The following ING3 variants were observed in gnomAD, a reference collection of about 807,000 sequenced individuals.
ING3 encodes inhibitor of growth family member 3, also known as inhibitor of growth protein 3.
Under a neutral mutation model 64.8 loss-of-function variants are expected in ING3, and 6 were observed. The ratio of observed to expected loss-of-function variants is 0.09; its 90% CI spans 0.05 to 0.18. The LOEUF is 0.18. Among genes scored for constraint, ING3 ranks in the 10% least tolerant of loss-of-function variants. The pLI, the probability that ING3 is intolerant of heterozygous loss-of-function variation, is 1.00. For missense variants in ING3, 310 were observed against 489.7 expected (o/e 0.63, Z 3.46); for synonymous variants, 170 against 173.7 (o/e 0.98, Z 0.17).
intron 4 of ING3, chr7:120,957,125 A>G (rs1795860615): frequency 6.5e-6 from 1 of 154,622 alleles, no homozygotes; most frequent in Non-Finnish European, 1.4e-5. Context: ...TAATCCCAGC[A>G]CTTTGGGAGG....
intron 2 of ING3, among the ~76,000 whole-genome samples, chr7:120,951,744 G>T (rs555066717): frequency 9.2e-5 from 14 of 152,308 alleles, no homozygotes; most frequent in Non-Finnish European, 1.8e-4. Flanking sequence ...ATTTTAAATT[G>T]TAACAGAATC....
intron 5 of ING3, among the ~76,000 whole-genome samples, chr7:120,966,333 A>G (rs1416533375): frequency 6.6e-6 from 1 of 152,192 alleles, no homozygotes; most frequent in Non-Finnish European, 1.5e-5. Flanking sequence ...ATCCATTTAT[A>G]TGGCACCCAC....
rs1287306907 is a variant in ING3 at position 120,967,608 on chromosome 7, A to G, written c.516A>G (p.Leu172=). 1.9e-6 allele frequency: 3 copies of G among 1,608,636 alleles called. No individual in the cohort carries two copies. The highest frequency in any genetic ancestry group is 2.5e-6 in the Non-Finnish European group (3 of 1,176,474). Residue 172 remains leucine, a synonymous_variant, in exon 7 of 12, where the codon CTA becomes CTG. Coordinates refer to ENST00000315870, the MANE Select transcript of ING3 (RefSeq NM_019071.3). ...AGAAATTTAAATCTGAAGCTCTTCT[A>G]TCCACCCTTACGTCAGATGCCTCTA... ...PEKKFKSEAL[L]STLTSDASKE...
At chr7:120,955,658 G>A (rs1468105478) in intron 4 of ING3, 34 bp downstream of exon 4, 2 of 1,362,650 alleles carry the variant, frequency 1.5e-6, no homozygotes, top group Non-Finnish European at 2.1e-6. Flanking sequence ...TGTGCCATAA[G>A]TACTTGAATA....
At chr7:120,969,291 C>A in intron 9 of ING3, 87 bp downstream of exon 9, 2 of 936,514 alleles carry the variant, frequency 2.1e-6, no homozygotes, top group Non-Finnish European at 1.5e-6. Context: ...ATGTTAAAGG[C>A]AGGATATAAC....
Position 120,958,488 on chromosome 7 carries a change from C to T in ING3, c.267+2864C>T, listed in dbSNP as rs534406835. Among the ~76,000 whole-genome samples, 88 of 152,284 alleles carry T rather than the reference C, an allele frequency of 5.8e-4. 2 individuals carry two copies. Among genetic ancestry groups the T allele is most frequent in the African/African-American group, 1.9e-3 (78 of 41,548 alleles). On this transcript the variant is annotated intron_variant, in intron 4 of 11. Transcript: ENST00000315870. ...TTTGTAAATGCTAATCCACTTCAGT[C>T]GCCACAGACTGAACCTGATCATCAC...
At chr7:120,972,871 A>G (rs1796087783) in intron 10 of ING3, among the ~76,000 whole-genome samples, 1 of 152,188 alleles carries the variant, frequency 6.6e-6, no homozygotes, top group Non-Finnish European at 1.5e-5. Context: ...CCCAAGAAGT[A>G]AAAACTTTCA....
Position 120,962,962 on chromosome 7 carries a change from A to G in ING3, c.268-1780A>G, listed in dbSNP as rs553600599. On this transcript the variant is annotated intron_variant, in intron 4 of 11. Transcript: ENST00000315870. ...AGGCAATGATTCTCTTCCATTCTTC[A>G]TATATCCTCCATTTAATCCAGCACC... 7.9e-5 allele frequency among the ~76,000 whole-genome samples: 12 copies of G among 152,260 alleles called. 1 individual carries two copies. Among genetic ancestry groups the G allele is most frequent in the South Asian group, 4.1e-4 (2 of 4,830 alleles).
At chr7:120,966,453 G>T (rs1461130603) in intron 5 of ING3, among the ~76,000 whole-genome samples, 173 bp from the exon 6 acceptor site, 1 of 152,142 alleles carries the variant, frequency 6.6e-6, no homozygotes, top group East Asian at 1.9e-4. Flanking sequence ...ACTCAGTGTG[G>T]GATGGACAGT....
rs1796144490 is a variant in ING3, at chr7:120,977,171, A to T, written c.*2327A>T. 6.6e-6 allele frequency: 1 copy of T among 152,386 alleles called. No homozygotes were observed. Among genetic ancestry groups the T allele is most frequent in the African/African-American group, 2.4e-5 (1 of 41,602 alleles). The allele number at this position is 152,386 out of a possible 1,614,324, so 9.4% of individuals were successfully genotyped here. On this transcript the variant is annotated 3_prime_UTR_variant, in exon 12 of 12. Coordinates refer to ENST00000315870, the MANE Select transcript of ING3 (RefSeq NM_019071.3). ...CTATGGAGTGTATATCAAAATGTTC[A>T]TGGTGACACATTTGAAGCAATAAAT...
In ING3 at chr7:120,951,099, C is replaced by G. The variant is rs1045688417; in HGVS notation, c.29-65C>G. ...CCCCTCGACCCCCCTGACGCACGCG[C>G]GCAGTGACGTAAGCGCGTATTTCGC... On this transcript the variant is annotated intron_variant, in intron 1 of 11. Coordinates refer to ENST00000315870, the MANE Select transcript of ING3 (RefSeq NM_019071.3). 6.4e-6 allele frequency: 10 copies of G among 1,573,368 alleles called. No individual in the cohort carries two copies. The African/African-American group carries it at 1.4e-4, about 21-fold the overall frequency.
Position 120,970,900 on chromosome 7 carries a change from A to G in ING3, c.1101+20A>G, listed in dbSNP as rs763186182. ...AATCAGGTAAAAGTCTGTTATATCT[A>G]TAAAAGTATAATCTGAATAAACTAG... On this transcript the variant is annotated intron_variant, in intron 10 of 11. Transcript: ENST00000315870. 22 of 1,523,296 alleles carry G rather than the reference A, an allele frequency of 1.4e-5. No homozygotes were observed. In the Admixed American group the frequency reaches 3.2e-4, roughly 22 times the overall value. The allele number at this position is 1,523,296 out of a possible 1,614,324, so 94.4% of individuals were successfully genotyped here.
intron 4 of ING3, 33 bp downstream of exon 4, chr7:120,955,657 A>T (rs983539430): frequency 2.3e-5 from 32 of 1,374,382 alleles, no homozygotes; most frequent in Non-Finnish European, 3.3e-5. Context: ...CTGTGCCATA[A>T]GTACTTGAAT....
intron 3 of ING3, among the ~76,000 whole-genome samples, chr7:120,955,059 C>T (rs899218848): frequency 6.6e-6 from 1 of 152,182 alleles, no homozygotes; most frequent in Middle Eastern, 3.2e-3. Context: ...CTCCCTTTTA[C>T]TCTTGGCCAT....
chr7:120,952,257 A>AT (rs1795777690), intron 2 of ING3, among the ~76,000 whole-genome samples: 1 of 152,104 alleles, frequency 6.6e-6, no homozygotes. Flanking sequence ...GTCAGATCTG[A>AT]GTTTGTTTTA....
rs1005112662 is a variant in ING3, at chr7:120,955,591, G to C, written c.234G>C (p.Glu78Asp). 6.2e-7 allele frequency: 1 copy of C among 1,612,074 alleles called. No homozygotes were observed. The highest frequency in any genetic ancestry group is 8.5e-7 in the Non-Finnish European group (1 of 1,178,198). Residue 78 changes from glutamate (E) to aspartate (D), a missense_variant, in exon 4 of 12, where the codon GAG becomes GAC. By Grantham distance (45) the Glu-to-Asp change is conservative. Around this residue, in one of 3 missense-constraint regions of ING3, gnomAD observed 53 missense variants for 116.2 expected, o/e 0.46. Transcript: ENST00000315870. The stretch of plus-strand genomic sequence containing the variant: ...ATAAAGCTTTGGAAGATGCAGATGA[G>C]AAGGTTCAGTTGGCAAACCAGATAT... ...DYYKALEDAD[E>D]KVQLANQIYD...
intron 4 of ING3, among the ~76,000 whole-genome samples, chr7:120,958,148 TC>T (rs1338539949): frequency 6.6e-6 from 1 of 152,190 alleles, no homozygotes; most frequent in African/African-American, 2.4e-5. Context: ...TTCTTCTTTT[TC>T]TTCCCCCACC....
rs1562977341 is a variant in ING3 at position 120,970,672 on chromosome 7, A to G, written c.909-16A>G. ...TCTGGATGGTGAGCAAATAAAACTT[A>G]TACTATTTTTTTCAGAAACAACAAC... is the stretch of plus-strand genomic sequence containing the variant. On this transcript the variant is annotated splice_polypyrimidine_tract_variant and intron_variant, in intron 9 of 11. Transcript: ENST00000315870. The G allele has an allele frequency of 1.2e-6, 2 of 1,612,730 alleles. No homozygotes were observed. The highest frequency in any genetic ancestry group is 2.2e-5 in the East Asian group (1 of 44,828).
chr7:120,975,444 G>C lies in ING3; in HGVS notation c.*600G>C, dbSNP rs1483494851. The stretch of plus-strand genomic sequence containing the variant: ...TCTAGAGTACCTGGGTACATAAACA[G>C]AAACTCCTGTAGGTAAAAAGTAATT... On this transcript the variant is annotated 3_prime_UTR_variant, in exon 12 of 12. Coordinates refer to ENST00000315870, the MANE Select transcript of ING3 (RefSeq NM_019071.3). 1 of 134,282 alleles carries C rather than the reference G, an allele frequency of 7.4e-6. No homozygotes were observed. The highest frequency in any genetic ancestry group is 1.5e-5 in the Non-Finnish European group (1 of 65,242). The allele number at this position is 134,282 out of a possible 1,614,324, so 8.3% of individuals were successfully genotyped here. A position where few individuals can be genotyped will look rare whatever the true frequency, so the allele number is the denominator to read the frequency against.
Sources: allele counts gnomAD v4.1 joint callset (sites outside exome capture counted in the v4.1 genomes callset), GRCh38; gene constraint gnomAD v4.1.1; regional missense constraint gnomAD v4.1.1; transcripts MANE v1.5; gene names NCBI Gene and HGNC (gene_info 2026-07-23, HGNC 2026-07-21).